SRSF5: variants seen among roughly 807,000 people sequenced by gnomAD.
The protein encoded by SRSF5 is serine and arginine rich splicing factor 5.
In SRSF5, 5 loss-of-function variants were observed where a neutral mutation model predicts 34.0. That is an observed-to-expected ratio of 0.15 (90% confidence interval 0.08 to 0.31). The LOEUF (loss-of-function observed/expected upper bound fraction) is 0.31, where lower values mean the gene tolerates loss of function less well. Ranked by LOEUF, SRSF5 falls within the 10% of genes least tolerant of loss-of-function variation. The pLI, the probability that SRSF5 is intolerant of heterozygous loss-of-function variation, is 1.00. For synonymous variants in SRSF5, 164 were observed against 117.7 expected, an observed-to-expected ratio of 1.39 and a Z score of -2.55; for missense variants, 223 against 351.4, an observed-to-expected ratio of 0.63 and a Z score of 2.92.
chr14:69,769,760 C>G (rs1882991399), intron 5 of SRSF5: 1 of 1,366,790 alleles, frequency 7.3e-7, no homozygotes, highest in African/African-American at 1.5e-5. Flanking sequence ...TCCTGTAACG[C>G]TTCCGAATAA....
chr14:69,770,639 A>G lies in SRSF5; in HGVS notation c.440+99A>G. ...AAAATTTGAATATGTTAGAATGCAG[A>G]GATTCTCCAGAGACAATTTTGCTGC... On this transcript the variant is annotated intron_variant, in intron 6 of 7. Coordinates refer to ENST00000557154, the MANE Select transcript of SRSF5 (RefSeq NM_001320214.2). The G allele has an allele frequency of 4.5e-6, 5 of 1,105,762 alleles. No individual in the cohort carries two copies. The South Asian group carries it at 6.9e-5, about 15-fold the overall frequency. The allele number at this position is 1,105,762 out of a possible 1,614,324, so 68.5% of individuals were successfully genotyped here.
intron 3 of SRSF5, 28 bp downstream of exon 3, chr14:69,768,702 C>T: frequency 6.2e-7 from 1 of 1,613,050 alleles, no homozygotes; most frequent in Non-Finnish European, 8.5e-7. Context: ...CTAGATAACC[C>T]TGGGACATAG....
chr14:69,769,766 A>C, intron 5 of SRSF5: 1 of 1,363,322 alleles, frequency 7.3e-7, no homozygotes, highest in Non-Finnish European at 9.4e-7. Flanking sequence ...AACGCTTCCG[A>C]ATAAGAGGTC....
Position 69,769,331 on chromosome 14 carries a change from A to G in SRSF5, c.366+80A>G. 3.2e-6 allele frequency: 5 copies of G among 1,567,732 alleles called. No individual in the cohort carries two copies. In the East Asian group the frequency reaches 9.2e-5, roughly 29 times the overall value. ...TGGGTAGCTAATGTTGTATTGTTTT[A>G]TTAAAAGTAGTTTTAAATTAATGGA... On this transcript the variant is annotated intron_variant, in intron 5 of 7. Coordinates refer to ENST00000557154, the MANE Select transcript of SRSF5 (RefSeq NM_001320214.2).
rs1883238907 is a variant in SRSF5, at chr14:69,771,773, A to G, written c.*312A>G. On this transcript the variant is annotated 3_prime_UTR_variant, in exon 8 of 8. Coordinates refer to ENST00000557154, the MANE Select transcript of SRSF5 (RefSeq NM_001320214.2). ...ATTTAATTTTTTTGTACTAGAAAAA[A>G]ATTTGAACATTTTAGTTCTTGGTTA... 4.0e-6 allele frequency: 1 copy of G among 246,956 alleles called. No homozygotes were observed. Among genetic ancestry groups the G allele is most frequent in the East Asian group, 8.8e-5 (1 of 11,394 alleles). The allele number at this position is 246,956 out of a possible 1,614,324, so 15.3% of individuals were successfully genotyped here. A position where few individuals can be genotyped will look rare whatever the true frequency, so the allele number is the denominator to read the frequency against.
At position 69,767,260 on chromosome 14, in the gene SRSF5, G is replaced by A; in HGVS notation, c.-20+5G>A. On this transcript the variant is annotated splice_donor_5th_base_variant and intron_variant, in intron 1 of 7. Transcript: ENST00000557154. ...GCCAAAGACCCCGTCCGGTAGGTGA[G>A]TGGCTCACTTTGAGGGCAAGCCTTC... is the stretch of plus-strand genomic sequence containing the variant. 1 of 389,664 alleles carries A rather than the reference G, an allele frequency of 2.6e-6. No individual in the cohort carries two copies. The allele number at this position is 389,664 out of a possible 1,614,324, so 24.1% of individuals were successfully genotyped here. A position where few individuals can be genotyped will look rare whatever the true frequency, so the allele number is the denominator to read the frequency against.
rs1882832328 is a variant in SRSF5, at chr14:69,768,656, A to G, written c.179A>G (p.Lys60Arg). The change falls in exon 3 of 8, where the codon AAA becomes AGA. Residue 60 changes from lysine (K) to arginine (R), a missense_variant. Lys to Arg is a conservative substitution (Grantham distance 26). This residue lies in a region of SRSF5 where 27 missense variants were observed against 90.7 expected (regional missense o/e 0.30). Transcript: ENST00000557154. The stretch of plus-strand genomic sequence containing the variant: ...GATGCTGTGTATGAGCTTGATGGAA[A>G]AGAACTCTGTAGTGAAAGGTGAGAT... ...ADDAVYELDG[K>R]ELCSERVTIE... is the part of the protein sequence containing the mutation. The G allele has an allele frequency of 6.2e-7, 1 of 1,614,236 alleles. No individual in the cohort carries two copies. The highest frequency in any genetic ancestry group is 8.5e-7 in the Non-Finnish European group (1 of 1,180,040).
chr14:69,771,080 T>C lies in SRSF5; in HGVS notation c.526T>C (p.Leu176=), dbSNP rs766186305. 1.3e-5 allele frequency: 21 copies of C among 1,613,894 alleles called. No homozygotes were observed. The highest frequency in any genetic ancestry group is 1.8e-5 in the Non-Finnish European group (21 of 1,179,944). Residue 176 remains leucine (L), a synonymous_variant, in exon 7 of 8, where the codon TTA becomes CTA. Coordinates refer to ENST00000557154, the MANE Select transcript of SRSF5 (RefSeq NM_001320214.2). ...GKEINGRKIK[L]IEGSKRHSRS... ...GGAAATAAATGGGAGAAAAATAAAA[T>C]TAATTGAAGGCAGCAAAAGGCACAG...
intron 5 of SRSF5, 127 bp downstream of exon 5, chr14:69,769,378 A>AATTAAATT: frequency 6.7e-7 from 1 of 1,500,962 alleles, no homozygotes; most frequent in Admixed American, 2.2e-5. Flanking sequence ...TGTAATTTTA[A>AATTAAATT]ACATTTAATT....
At position 69,769,216 on chromosome 14, in the gene SRSF5, A is replaced by G. The variant is rs776691250; in HGVS notation, c.331A>G (p.Ile111Val). 6.2e-7 allele frequency: 1 copy of G among 1,614,100 alleles called. No individual in the cohort carries two copies. The highest frequency in any genetic ancestry group is 1.3e-5 in the African/African-American group (1 of 74,930). ...APPVRTENRL[I>V]VENLSSRVSW... ...ACCTGTAAGAACAGAAAATCGTCTT[A>G]TAGTTGAGAATTTATCCTCAAGAGT... Residue 111 changes from isoleucine to valine, a missense_variant, in exon 5 of 8, where the codon ATA becomes GTA. Physicochemically the swap from Ile to Val is conservative, Grantham distance 29 (BLOSUM62 3). Transcript: ENST00000557154.
chr14:69,770,216 A>G, intron 5 of SRSF5: 1 of 1,249,916 alleles, frequency 8.0e-7, no homozygotes, highest in East Asian at 3.8e-5. Flanking sequence ...AGCTCAGCAT[A>G]GACTAATACT....
chr14:69,770,868 T>C lies in SRSF5; in HGVS notation c.441-127T>C. On this transcript the variant is annotated intron_variant, in intron 6 of 7. Coordinates refer to ENST00000557154, the MANE Select transcript of SRSF5 (RefSeq NM_001320214.2). ...ACTTTGCTCTTTTAATGCTGTGTTA[T>C]CCAGAAATAAGACTCAATAGTAGCA... 26 of 864,152 alleles carry C rather than the reference T, an allele frequency of 3.0e-5. No individual in the cohort carries two copies. In the South Asian group the frequency reaches 4.1e-4, roughly 14 times the overall value. 53.5% of individuals were successfully genotyped at this position (864,152 alleles called of 1,614,324 possible).
intron 6 of SRSF5, 71 bp from the exon 7 acceptor site, chr14:69,770,924 C>G: frequency 1.5e-6 from 2 of 1,331,642 alleles, no homozygotes; most frequent in Non-Finnish European, 2.1e-6. Flanking sequence ...AACGACTTAC[C>G]TAGACTGCTG....
intron 1 of SRSF5, chr14:69,767,598 C>A: frequency 2.2e-6 from 1 of 454,062 alleles, no homozygotes; most frequent in South Asian, 1.6e-5. Flanking sequence ...GCAGTGACCC[C>A]CGAGAAGGGG....
chr14:69,769,095 A>G, intron 4 of SRSF5, 87 bp from the exon 5 acceptor site: 11 of 1,485,188 alleles, frequency 7.4e-6, no homozygotes, highest in Non-Finnish European at 1.0e-5. Flanking sequence ...ATGGCTTGTG[A>G]TATCTGATGG....
At chr14:69,772,004 TACTTTTTG>T (rs1169926384) in exon 8 of SRSF5, 1 of 153,800 alleles carries the variant, frequency 6.5e-6, no homozygotes, top group Non-Finnish European at 1.5e-5. Flanking sequence ...ATTATAAAAC[TACTTTTTG>T]TCTGTTTGTC....
At position 69,771,345 on chromosome 14, in the gene SRSF5, G is replaced by A. The variant is rs142745234; in HGVS notation, c.703G>A (p.Val235Met). 58 of 1,614,060 alleles carry A rather than the reference G, an allele frequency of 3.6e-5. No homozygotes were observed. The highest frequency in any genetic ancestry group is 1.5e-4 in the Admixed American group (9 of 60,000). ...GTCCCGTTCTGTTAGTAGGTCTCCC[G>A]TGCCTGAGAAGAGCCAGAAACGTGG... ...SKSRSVSRSP[V>M]PEKSQKRGSS... The change falls in exon 8 of 8, where the codon GTG becomes ATG. Residue 235 changes from valine (V) to methionine (M), a missense_variant. Coordinates refer to ENST00000557154, the MANE Select transcript of SRSF5 (RefSeq NM_001320214.2).
chr14:69,769,564 G>A (rs1478014885), intron 5 of SRSF5: 5 of 1,535,232 alleles, frequency 3.3e-6, no homozygotes, highest in Non-Finnish European at 3.5e-6. Flanking sequence ...TATCCTAATC[G>A]TTGTCTTGGT....
intron 6 of SRSF5, 29 bp downstream of exon 6, chr14:69,770,569 A>G: frequency 6.3e-7 from 1 of 1,590,118 alleles, no homozygotes; most frequent in Non-Finnish European, 8.6e-7. Flanking sequence ...GAAAGTCTTT[A>G]AAAATATCCG....
Sources: gnomAD v4.1 joint callset for allele counts on GRCh38, gnomAD v4.1.1 for gene constraint, gnomAD v4.1.1 regional missense constraint, MANE v1.5 for transcripts, NCBI Gene and HGNC (gene_info 2026-07-23, HGNC 2026-07-21) for gene names.